Variants in LHFPL3 observed in about 807,000 individuals in gnomAD.
LHFPL3 encodes the protein LHFPL tetraspan subfamily member 3 protein.
Under a neutral mutation model 19.3 loss-of-function variants are expected in LHFPL3, and 5 were observed. That is an observed-to-expected ratio of 0.26 (90% CI 0.14 to 0.54). The LOEUF (loss-of-function observed/expected upper bound fraction) is 0.54, where lower values mean the gene tolerates loss of function less well. LHFPL3 is among the 20% of genes least tolerant of loss of function. The pLI is 0.94. For missense variants in LHFPL3, 249 were observed against 307.4 expected, an observed-to-expected ratio of 0.81 and a Z score of 1.42; for synonymous variants, 133 against 126.2, an observed-to-expected ratio of 1.05 and a Z score of -0.36.
At chr7:104,475,885 T>G (rs986094153) in intron 1 of LHFPL3, among the ~76,000 whole-genome samples, 1 of 152,186 alleles carries the variant, frequency 6.6e-6, no homozygotes, top group African/African-American at 2.4e-5. Context: ...AACATAAAAT[T>G]TATCAAACGA....
chr7:104,437,389 T>G (rs1792130332), intron 1 of LHFPL3, among the ~76,000 whole-genome samples: 1 of 152,150 alleles, frequency 6.6e-6, no homozygotes, highest in Non-Finnish European at 1.5e-5. Context: ...ATGTGTGAGT[T>G]TTCCCCCACA....
Position 104,328,618 on chromosome 7 carries a change from T to C in LHFPL3, c.-162T>C. ...GGTGCTCCGCGCTCCCCCGCCCTCC[T>C]TCCGGGAGCGAGGATGCAGACTCTG... On this transcript the variant is annotated 5_prime_UTR_variant, in exon 1 of 3. Coordinates refer to ENST00000424859, the MANE Select transcript of LHFPL3 (RefSeq NM_199000.3). The surrounding 1 kb of genome is among the most constrained non-coding windows in gnomAD (Gnocchi z 4.6). 1.5e-6 allele frequency: 1 copy of C among 664,382 alleles called. No individual in the cohort carries two copies. The highest frequency in any genetic ancestry group is 2.7e-5 in the East Asian group (1 of 36,410). 41.2% of individuals were successfully genotyped at this position (664,382 alleles called of 1,614,324 possible). A position where few individuals can be genotyped will look rare whatever the true frequency, so the allele number is the denominator to read the frequency against.
intron 2 of LHFPL3, among the ~76,000 whole-genome samples, chr7:104,852,448 T>C (rs958680665): frequency 2.0e-5 from 3 of 152,204 alleles, no homozygotes; most frequent in South Asian, 2.1e-4. Flanking sequence ...AGAGAAGGCT[T>C]TTGTCCAGAG....
chr7:104,416,044 A>C (rs2106501), intron 1 of LHFPL3, among the ~76,000 whole-genome samples: 15,030 of 152,284 alleles, frequency 0.099, 816 homozygotes, highest in African/African-American at 0.13. Context: ...TCATTTGGAG[A>C]TACTGTAGTT....
intron 2 of LHFPL3, among the ~76,000 whole-genome samples, chr7:104,861,771 G>A (rs778825043): frequency 6.6e-6 from 1 of 151,522 alleles, no homozygotes; most frequent in Non-Finnish European, 1.5e-5. Context: ...TGGAGAACCT[G>A]GGGAAGAGGG....
At chr7:104,396,105 G>T (rs774797958) in intron 1 of LHFPL3, among the ~76,000 whole-genome samples, 25 of 152,160 alleles carry the variant, frequency 1.6e-4, no homozygotes, top group Non-Finnish European at 2.9e-4. Context: ...GGTTCACATG[G>T]TAGAAAAGAT....
intron 1 of LHFPL3, among the ~76,000 whole-genome samples, chr7:104,487,348 T>C: frequency 6.6e-6 from 1 of 152,214 alleles, no homozygotes; most frequent in East Asian, 1.9e-4. Flanking sequence ...AAGATAATTA[T>C]TTACCAAATT....
intron 1 of LHFPL3, chr7:104,669,579 C>G: frequency 1.2e-6 from 2 of 1,611,528 alleles, no homozygotes; most frequent in Non-Finnish European, 1.7e-6. Context: ...CCAAATAGAC[C>G]TCTACATCCT....
intron 1 of LHFPL3, among the ~76,000 whole-genome samples, chr7:104,401,613 C>T (rs902125163): frequency 6.6e-6 from 1 of 152,086 alleles, no homozygotes; most frequent in South Asian, 2.1e-4. Context: ...AAAAGATAAC[C>T]AGTGCCAGAT....
At chr7:104,343,066 A>T (rs993558119) in intron 1 of LHFPL3, among the ~76,000 whole-genome samples, 1 of 151,050 alleles carries the variant, frequency 6.6e-6, no homozygotes, top group African/African-American at 2.4e-5. Flanking sequence ...CCTATACACT[A>T]AAGTTTTAAT....
chr7:104,735,165 G>A (rs536471376), intron 1 of LHFPL3, among the ~76,000 whole-genome samples: 1 of 152,356 alleles, frequency 6.6e-6, no homozygotes, highest in East Asian at 1.9e-4. Flanking sequence ...TCAGGAGTGA[G>A]GGACCCACTT....
chr7:104,581,591 AAT>A (rs1227283931), intron 1 of LHFPL3, among the ~76,000 whole-genome samples: 1 of 151,978 alleles, frequency 6.6e-6, no homozygotes, highest in Non-Finnish European at 1.5e-5. Context: ...TCAGATTGTG[AAT>A]ATGTTTTCCT....
intron 1 of LHFPL3, among the ~76,000 whole-genome samples, chr7:104,482,910 T>C (rs1420800124): frequency 2.6e-5 from 4 of 152,182 alleles, no homozygotes; most frequent in African/African-American, 4.8e-5. Flanking sequence ...TCCATGTGGG[T>C]TTTTGTTTGT....
At chr7:104,452,614 A>G (rs952064207) in intron 1 of LHFPL3, among the ~76,000 whole-genome samples, 2 of 152,186 alleles carry the variant, frequency 1.3e-5, no homozygotes, top group Admixed American at 6.5e-5. Context: ...ACCTTTTCAT[A>G]TGTTAATTAA....
intron 1 of LHFPL3, among the ~76,000 whole-genome samples, chr7:104,358,373 G>T (rs575847113): frequency 6.6e-6 from 1 of 152,300 alleles, no homozygotes; most frequent in South Asian, 2.1e-4. Flanking sequence ...ACCACAGTGG[G>T]CTCGAAATTG....
chr7:104,896,762 C>A (rs1177937656), intron 2 of LHFPL3, among the ~76,000 whole-genome samples: 2 of 152,152 alleles, frequency 1.3e-5, no homozygotes, highest in African/African-American at 4.8e-5. Context: ...GGCAGTTATG[C>A]ATATTCAGTA....
intron 1 of LHFPL3, among the ~76,000 whole-genome samples, chr7:104,530,242 G>A (rs912000331): frequency 8.5e-5 from 13 of 152,176 alleles, no homozygotes; most frequent in African/African-American, 3.1e-4. Flanking sequence ...GGAAAACAAG[G>A]TAATTCCCAC....
At chr7:104,329,831 A>G (rs553506191) in intron 1 of LHFPL3, among the ~76,000 whole-genome samples, 1 of 152,340 alleles carries the variant, frequency 6.6e-6, no homozygotes, top group African/African-American at 2.4e-5. Flanking sequence ...AGAAGAATGT[A>G]GCTTAGAACA....
intron 2 of LHFPL3, among the ~76,000 whole-genome samples, chr7:104,782,311 A>G (rs1789822936): frequency 6.6e-6 from 1 of 152,216 alleles, no homozygotes; most frequent in Non-Finnish European, 1.5e-5. Flanking sequence ...AAAGGAAAAG[A>G]AGCTAGCAGT....
Sources: gnomAD v4.1 joint callset for allele counts (sites outside exome capture counted in the v4.1 genomes callset) on GRCh38, gnomAD v4.1.1 for gene constraint, Gnocchi (gnomAD v3.1) non-coding constraint, MANE v1.5 for transcripts, NCBI Gene and HGNC (gene_info 2026-07-23, HGNC 2026-07-21) for gene names.